PRIMPOL: variants seen among roughly 807,000 people sequenced by gnomAD.
PRIMPOL encodes primase and DNA directed polymerase, also known as DNA-directed primase/polymerase protein.
A neutral mutation model predicts 63.6 loss-of-function variants in PRIMPOL; 54 were observed. The ratio of observed to expected loss-of-function variants is 0.85; its 90% confidence interval spans 0.68 to 1.07. The LOEUF (loss-of-function observed/expected upper bound fraction) is 1.07, where lower values mean the gene tolerates loss of function less well. Among genes scored for constraint, PRIMPOL ranks in the 50% least tolerant of loss-of-function variants. The probability of loss-of-function intolerance (pLI) is 0.00; values close to 1 mark genes in which losing one functional copy is unlikely to be tolerated. For synonymous variants in PRIMPOL, 197 were observed against 220.2 expected, an observed-to-expected ratio of 0.89 and a Z score of 0.93; for missense variants, 610 against 648.3, an observed-to-expected ratio of 0.94 and a Z score of 0.64.
intron 4 of PRIMPOL, among the ~76,000 whole-genome samples, 170 bp from the exon 5 acceptor site, chr4:184,661,604 G>A (rs371780587): frequency 6.6e-6 from 1 of 152,144 alleles, no homozygotes; most frequent in South Asian, 2.1e-4. Flanking sequence ...TACTCGGGAG[G>A]CTGAGGCAGG....
intron 7 of PRIMPOL, among the ~76,000 whole-genome samples, chr4:184,677,042 T>C (rs1579528491): frequency 5.1e-5 from 4 of 78,856 alleles, no homozygotes; most frequent in Non-Finnish European, 7.4e-5. Context: ...TTCCCTTCCC[T>C]TCTCCCCTCC....
At chr4:184,685,534 G>A in intron 10 of PRIMPOL, 36 bp downstream of exon 10, 1 of 1,590,336 alleles carries the variant, frequency 6.3e-7, no homozygotes, top group Non-Finnish European at 8.6e-7. Flanking sequence ...ACTGTTATAT[G>A]ATAGAGTGAT....
chr4:184,678,496 A>T, intron 8 of PRIMPOL, 102 bp downstream of exon 8: 1 of 832,498 alleles, frequency 1.2e-6, no homozygotes. Context: ...AATTCATTCT[A>T]CCTTAAGAAA....
intron 11 of PRIMPOL, among the ~76,000 whole-genome samples, chr4:184,686,278 G>A (rs1465725732): frequency 2.0e-5 from 3 of 152,226 alleles, no homozygotes; most frequent in Non-Finnish European, 4.4e-5. Flanking sequence ...GGAGAAGGCT[G>A]TGGGCAGGGA....
chr4:184,681,137 G>C (rs1230649516), intron 8 of PRIMPOL, among the ~76,000 whole-genome samples: 2 of 152,162 alleles, frequency 1.3e-5, no homozygotes, highest in Non-Finnish European at 2.9e-5. Flanking sequence ...TAAATACCAG[G>C]TAGTTTACTT....
At chr4:184,667,488 T>G (rs531285100) in intron 6 of PRIMPOL, among the ~76,000 whole-genome samples, 8 of 152,224 alleles carry the variant, frequency 5.3e-5, no homozygotes, top group African/African-American at 1.7e-4. Flanking sequence ...GTTTTTGTAT[T>G]TTTAGTAGAG....
intron 8 of PRIMPOL, among the ~76,000 whole-genome samples, chr4:184,680,196 A>AT (rs1755228832): frequency 1.9e-4 from 2 of 10,712 alleles, no homozygotes; most frequent in Non-Finnish European, 7.6e-4. Context: ...TTCTAAATAT[A>AT]ATTTTTTTTT....
chr4:184,689,515 CAA>C (rs1757918459), intron 11 of PRIMPOL, among the ~76,000 whole-genome samples: 2 of 125,254 alleles, frequency 1.6e-5, no homozygotes, highest in African/African-American at 6.3e-5. Context: ...TGCAGTGGTG[CAA>C]TCTCGGCTCA....
At chr4:184,678,418 AT>A in intron 8 of PRIMPOL, 24 bp downstream of exon 8, 1 of 1,545,202 alleles carries the variant, frequency 6.5e-7, no homozygotes, top group Non-Finnish European at 8.8e-7. Flanking sequence ...GCATCAAACC[AT>A]TTTGTATTCA....
chr4:184,667,742 A>G (rs969812125), intron 6 of PRIMPOL, among the ~76,000 whole-genome samples: 14 of 152,198 alleles, frequency 9.2e-5, no homozygotes, highest in African/African-American at 3.1e-4. Flanking sequence ...GCTGAGTACT[A>G]TGGGGTTAAC....
intron 6 of PRIMPOL, among the ~76,000 whole-genome samples, 194 bp from the exon 7 acceptor site, chr4:184,671,979 A>ACC (rs1193008693): frequency 5.9e-5 from 9 of 152,088 alleles, no homozygotes. Context: ...CGACCTTGTG[A>ACC]TCCGCCCGCC....
intron 6 of PRIMPOL, among the ~76,000 whole-genome samples, chr4:184,666,560 A>G (rs1425138478): frequency 6.6e-6 from 1 of 152,208 alleles, no homozygotes; most frequent in Non-Finnish European, 1.5e-5. Context: ...TATTCAGGAC[A>G]TCTTTGGCAT....
Position 184,671,738 on chromosome 4 carries a change from GTT to G in PRIMPOL, c.557-417_557-416del, listed in dbSNP as rs57281352. Among the ~76,000 whole-genome samples, 612 of 95,462 alleles carry G rather than the reference GTT, an allele frequency of 6.4e-3. 16 individuals carry two copies. The highest frequency in any genetic ancestry group is 0.022 in the African/African-American group (537 of 24,620). The allele number at this position is 95,462 out of a possible 152,430, so 62.6% of individuals were successfully genotyped here. A position where few individuals can be genotyped will look rare whatever the true frequency, so the allele number is the denominator to read the frequency against. Reference sequence around the variant, plus strand: ...GCATATAACAATTTATAGCGACTCGGTTTTTTTTTTTTTTTTTTTGGTAAGAT... The same window carrying G: ...GCATATAACAATTTATAGCGACTCGGTTTTTTTTTTTTTTTTTGGTAAGAT... On this transcript the variant is annotated intron_variant, in intron 6 of 13. Coordinates refer to ENST00000314970, the MANE Select transcript of PRIMPOL (RefSeq NM_152683.4).
chr4:184,680,600 G>A (rs1264362595), intron 8 of PRIMPOL, among the ~76,000 whole-genome samples: 1 of 152,156 alleles, frequency 6.6e-6, no homozygotes, highest in African/African-American at 2.4e-5. Flanking sequence ...CCAGGAGGGT[G>A]GAAGATGGAT....
chr4:184,686,100 G>A (rs766574343), intron 11 of PRIMPOL, among the ~76,000 whole-genome samples: 7 of 152,108 alleles, frequency 4.6e-5, no homozygotes, highest in Non-Finnish European at 1.0e-4. Context: ...GCACTCAGCT[G>A]TTGTATTAAA....
At chr4:184,668,024 A>G (rs1001248164) in intron 6 of PRIMPOL, among the ~76,000 whole-genome samples, 1 of 152,184 alleles carries the variant, frequency 6.6e-6, no homozygotes, top group Non-Finnish European at 1.5e-5. Flanking sequence ...AGATATTAGT[A>G]ATGGTAGAGT....
In PRIMPOL at chr4:184,650,735, T is replaced by G. The variant is rs563652360; in HGVS notation, c.-138+827T>G. 6.6e-5 allele frequency among the ~76,000 whole-genome samples: 10 copies of G among 152,328 alleles called. No individual in the cohort carries two copies. In the South Asian group the frequency reaches 2.1e-3, roughly 32 times the overall value. On this transcript the variant is annotated intron_variant, in intron 1 of 13. Transcript: ENST00000314970. ...GTGAGCACGACATTCTGCATCAGAT[T>G]TCAAAAAGTTCTTGACATTCAGAAG...
rs530072418 is a variant in PRIMPOL at position 184,665,191 on chromosome 4, A to T, written c.409-726A>T. Among the ~76,000 whole-genome samples, 3 of 151,094 alleles carry T rather than the reference A, an allele frequency of 2.0e-5. No homozygotes were observed. The South Asian group carries it at 6.2e-4, about 31-fold the overall frequency. On this transcript the variant is annotated intron_variant, in intron 5 of 13. Coordinates refer to ENST00000314970, the MANE Select transcript of PRIMPOL (RefSeq NM_152683.4). ...TTTTTAAGCAGTTACATGTGCTAAA[A>T]ATTTCCATTTTCTTTTTTATTCCTT...
At chr4:184,656,276 G>C (rs1489739290) in intron 2 of PRIMPOL, among the ~76,000 whole-genome samples, 1 of 152,046 alleles carries the variant, frequency 6.6e-6, no homozygotes, top group Non-Finnish European at 1.5e-5. Flanking sequence ...CAAGTCATAT[G>C]GCCAAGCTGA....
Sources: gnomAD v4.1 joint callset for allele counts (sites outside exome capture counted in the v4.1 genomes callset) on GRCh38, gnomAD v4.1.1 for gene constraint, MANE v1.5 for transcripts, NCBI Gene and HGNC (gene_info 2026-07-23, HGNC 2026-07-21) for gene names.